AKT3: variants seen among roughly 807,000 people sequenced by gnomAD.
The protein encoded by AKT3 is AKT serine/threonine kinase 3, also known as RAC-gamma serine/threonine-protein kinase.
Under a neutral mutation model 65.3 loss-of-function variants are expected in AKT3, and 15 were observed. That is an observed-to-expected ratio of 0.23 (90% CI 0.15 to 0.35). The LOEUF is 0.35. AKT3 is among the 10% of genes least tolerant of loss of function. The pLI is 1.00. For missense variants in AKT3, 243 were observed against 576.5 expected, an observed-to-expected ratio of 0.42 and a Z score of 5.92; for synonymous variants, 206 against 183.8, an observed-to-expected ratio of 1.12 and a Z score of -0.98.
At chr1:243,544,387 C>A (rs1313735329) in intron 12 of AKT3, among the ~76,000 whole-genome samples, 3 of 151,800 alleles carry the variant, frequency 2.0e-5, no homozygotes, top group Non-Finnish European at 4.4e-5. Context: ...CTTTGGGAGG[C>A]CAAGGAGAGA....
chr1:243,653,030 A>G (rs560747777), intron 4 of AKT3, among the ~76,000 whole-genome samples: 2 of 151,470 alleles, frequency 1.3e-5, no homozygotes, highest in Middle Eastern at 3.4e-3. Context: ...ACATGAAAAA[A>G]CCCTTCAAAA....
chr1:243,717,000 T>G (rs1022810703), intron 2 of AKT3, among the ~76,000 whole-genome samples: 1 of 152,188 alleles, frequency 6.6e-6, no homozygotes, highest in Non-Finnish European at 1.5e-5. Context: ...AGGGATTGTG[T>G]CAAGTCTGGC....
intron 8 of AKT3, among the ~76,000 whole-genome samples, chr1:243,593,623 T>C (rs1676390382): frequency 6.6e-6 from 1 of 152,090 alleles, no homozygotes; most frequent in African/African-American, 2.4e-5. Flanking sequence ...GGAATAAACC[T>C]GGAAGCTGCA....
At chr1:243,510,978 T>C (rs761335286) in intron 13 of AKT3, among the ~76,000 whole-genome samples, 1 of 152,262 alleles carries the variant, frequency 6.6e-6, no homozygotes, top group Admixed American at 6.5e-5. Flanking sequence ...CCAAGGCCTA[T>C]GCCCATGATT....
chr1:243,728,460 G>C (rs1387481467), intron 2 of AKT3, among the ~76,000 whole-genome samples: 1 of 152,212 alleles, frequency 6.6e-6, no homozygotes, highest in East Asian at 1.9e-4. Flanking sequence ...CCAGCTGTAA[G>C]TTTTAATCAT....
chr1:243,634,078 C>G (rs902250339), intron 6 of AKT3, among the ~76,000 whole-genome samples: 1 of 151,992 alleles, frequency 6.6e-6, no homozygotes, highest in Non-Finnish European at 1.5e-5. Context: ...CTGCAGATAA[C>G]AAAATCCACA....
Position 243,714,418 on chromosome 1 carries a change from C to T in AKT3, c.47-18702G>A, listed in dbSNP as rs965000433. Among the ~76,000 whole-genome samples the T allele has an allele frequency of 1.3e-4, 20 of 152,160 alleles. 1 individual carries two copies. The highest frequency in any genetic ancestry group is 9.6e-4 in the East Asian group (5 of 5,196). On this transcript the variant is annotated intron_variant, in intron 2 of 13. Coordinates refer to ENST00000673466, the MANE Select transcript of AKT3 (RefSeq NM_005465.7). ...ATTGGAGTGTTTCTAAGTTAAGGCA[C>T]AGTGTATTTTGAAAATTCCAACAGA...
At chr1:243,659,892 T>C (rs1287098113) in intron 4 of AKT3, among the ~76,000 whole-genome samples, 12 of 152,244 alleles carry the variant, frequency 7.9e-5, no homozygotes, top group Non-Finnish European at 1.0e-4. Context: ...CACTATTTTA[T>C]TGAGGATTTT....
intron 2 of AKT3, among the ~76,000 whole-genome samples, chr1:243,749,055 A>G (rs373003673): frequency 6.6e-6 from 1 of 152,032 alleles, no homozygotes; most frequent in African/African-American, 2.4e-5. Flanking sequence ...CCTTTTCCTT[A>G]CCACTTCTAG....
chr1:243,767,367 A>G (rs1212226760), intron 2 of AKT3, among the ~76,000 whole-genome samples: 2 of 152,162 alleles, frequency 1.3e-5, no homozygotes, highest in African/African-American at 4.8e-5. Flanking sequence ...GTGGCTATAG[A>G]GAAGAGTTTT....
intron 8 of AKT3, among the ~76,000 whole-genome samples, chr1:243,597,626 G>C (rs901004069): frequency 6.6e-6 from 1 of 152,060 alleles, no homozygotes; most frequent in African/African-American, 2.4e-5. Context: ...TCAGTCTCTC[G>C]AGTAGCTGGG....
chr1:243,519,042 A>G (rs573960796), intron 12 of AKT3, among the ~76,000 whole-genome samples: 26 of 152,360 alleles, frequency 1.7e-4, no homozygotes, highest in African/African-American at 5.8e-4. Context: ...TCAGCAGTCT[A>G]AAAATGGATA....
At chr1:243,763,681 T>G (rs1379337685) in intron 2 of AKT3, among the ~76,000 whole-genome samples, 1 of 152,154 alleles carries the variant, frequency 6.6e-6, no homozygotes, top group Non-Finnish European at 1.5e-5. Context: ...TTTGGGATGT[T>G]TGTGTACTTA....
chr1:243,527,928 CACACACACAGAGAG>C (rs1224945224), intron 12 of AKT3, among the ~76,000 whole-genome samples: 16 of 50,326 alleles, frequency 3.2e-4, no homozygotes, highest in African/African-American at 8.9e-4. Flanking sequence ...CACACACACA[CACACACACAGAGAG>C]AGAGAGAGAG....
intron 5 of AKT3, among the ~76,000 whole-genome samples, chr1:243,642,344 C>T (rs1013594626): frequency 2.0e-5 from 3 of 152,224 alleles, no homozygotes; most frequent in Non-Finnish European, 2.9e-5. Context: ...GAGTCTCGCT[C>T]TGTCGCCCAG....
chr1:243,542,255 G>T (rs1672372233), intron 12 of AKT3, among the ~76,000 whole-genome samples: 2 of 152,142 alleles, frequency 1.3e-5, no homozygotes, highest in South Asian at 4.1e-4. Flanking sequence ...AAGCTTGAAG[G>T]TAGTTAAAGG....
At chr1:243,797,779 T>C (rs538215126) in intron 2 of AKT3, among the ~76,000 whole-genome samples, 1 of 151,886 alleles carries the variant, frequency 6.6e-6, no homozygotes, top group South Asian at 2.1e-4. Flanking sequence ...TGATTAAGCA[T>C]GTATAACTAT....
In AKT3 at chr1:243,489,126, C is replaced by G; in HGVS notation, c.*7-676G>C. 6.2e-7 allele frequency: 1 copy of G among 1,612,532 alleles called. No individual in the cohort carries two copies. Among genetic ancestry groups the G allele is most frequent in the Non-Finnish European group, 8.5e-7 (1 of 1,179,934 alleles). ...GCAGAGCCTGTCGGAAGAGGTGGAC[C>G]GGCTGCGGACCCAGGTACTGTGCAG... is the stretch of plus-strand genomic sequence containing the variant. On this transcript the variant is annotated intron_variant, in intron 13 of 13. Coordinates refer to the AKT3 transcript ENST00000336199.
rs76234722 is a variant in AKT3, at chr1:243,528,552, C to T, written c.1252-16126G>A. On this transcript the variant is annotated intron_variant, in intron 12 of 13. Transcript: ENST00000673466. ...ATACGTACTCAATGTTTAGCTCCCACTTGTAAGTGAGAATATGCGGGATTT... is the reference window on the plus strand; with the variant it reads ...ATACGTACTCAATGTTTAGCTCCCATTTGTAAGTGAGAATATGCGGGATTT... 3.3e-5 allele frequency among the ~76,000 whole-genome samples: 5 copies of T among 152,310 alleles called. No homozygotes were observed. In the East Asian group the frequency reaches 7.7e-4, roughly 24 times the overall value.
Sources: allele counts gnomAD v4.1 joint callset (sites outside exome capture counted in the v4.1 genomes callset), GRCh38; gene constraint gnomAD v4.1.1; transcripts MANE v1.5; gene names NCBI Gene and HGNC (gene_info 2026-07-23, HGNC 2026-07-21).